Variants in CYFIP2 observed in about 807,000 individuals in gnomAD.
CYFIP2 encodes the protein cytoplasmic FMR1-interacting protein 2.
In CYFIP2, 29 loss-of-function variants were observed where a neutral mutation model predicts 158.7. The ratio of observed to expected loss-of-function variants is 0.18; its 90% CI spans 0.14 to 0.25. The LOEUF (loss-of-function observed/expected upper bound fraction) is 0.25, where lower values mean the gene tolerates loss of function less well. CYFIP2 is among the 10% of genes least tolerant of loss of function. The pLI is 1.00. For synonymous variants in CYFIP2, 585 were observed against 617.6 expected (o/e 0.95, Z 0.78); for missense variants, 852 against 1,639.5 (o/e 0.52, Z 8.29).
Position 157,293,385 on chromosome 5 carries a change from A to G in CYFIP2, c.208-1398A>G, listed in dbSNP as rs779897908. Among the ~76,000 whole-genome samples the G allele has an allele frequency of 7.2e-5, 11 of 152,234 alleles. 1 individual carries two copies. The Middle Eastern group carries it at 0.01, about 141-fold the overall frequency. On this transcript the variant is annotated intron_variant, in intron 3 of 30. Coordinates refer to ENST00000620254, the MANE Select transcript of CYFIP2 (RefSeq NM_001037333.3). ...GCCCAGGTATTCGGACCTTGAGTTT[A>G]GGTCTCTTTCCACAGCAGCAGTTCC... is the stretch of plus-strand genomic sequence containing the variant.
intron 23 of CYFIP2, among the ~76,000 whole-genome samples, chr5:157,354,937 GAGGGTTT>G (rs1763313787): frequency 1.3e-5 from 2 of 152,226 alleles, no homozygotes; most frequent in South Asian, 4.1e-4. Context: ...GGGTGGCGGT[GAGGGTTT>G]AGGACACCAC....
At chr5:157,294,464 CATT>C (rs1485066864) in intron 3 of CYFIP2, among the ~76,000 whole-genome samples, 1 of 152,184 alleles carries the variant, frequency 6.6e-6, no homozygotes, top group Admixed American at 6.5e-5. Flanking sequence ...TTCTTGCTAA[CATT>C]ATATCTGGGG....
At chr5:157,376,678 C>T in intron 26 of CYFIP2, 1 of 197,526 alleles carries the variant, frequency 5.1e-6, no homozygotes, top group Non-Finnish European at 1.1e-5. Flanking sequence ...CTGTTTTTCT[C>T]TTGGGTCTCA....
chr5:157,284,823 C>T (rs1174350035), intron 1 of CYFIP2, among the ~76,000 whole-genome samples: 2 of 152,182 alleles, frequency 1.3e-5, no homozygotes, highest in Non-Finnish European at 2.9e-5. Context: ...TTATTTTAAT[C>T]CCAGTTTAAT....
intron 21 of CYFIP2, among the ~76,000 whole-genome samples, chr5:157,334,772 G>C (rs1761731437): frequency 6.6e-6 from 1 of 152,044 alleles, no homozygotes; most frequent in South Asian, 2.1e-4. Context: ...AATTAGGAAA[G>C]AATAAGGGAA....
At chr5:157,337,192 C>T (rs1581090156) in intron 21 of CYFIP2, among the ~76,000 whole-genome samples, 2 of 152,140 alleles carry the variant, frequency 1.3e-5, no homozygotes, top group South Asian at 2.1e-4. Context: ...TTCCAGCTAG[C>T]CAGGCCCCCA....
Position 157,392,954 on chromosome 5 carries a change from G to A in CYFIP2, c.3716G>A (p.Arg1239His), listed in dbSNP as rs201882855. 10 of 1,613,758 alleles carry A rather than the reference G, an allele frequency of 6.2e-6. No individual in the cohort carries two copies. Among genetic ancestry groups the A allele is most frequent in the Admixed American group, 5.0e-5 (3 of 59,984 alleles). Reference protein sequence around the residue: ...ETDSSTVEHVRCFQPPIHQSL... With the variant: ...ETDSSTVEHVHCFQPPIHQSL... Reference sequence around the variant, plus strand: ...GACAGTTCCACTGTGGAGCATGTGCGCTGCTTCCAGCCACCCATCCACCAG... The same window carrying A: ...GACAGTTCCACTGTGGAGCATGTGCACTGCTTCCAGCCACCCATCCACCAG... The change falls in exon 31 of 31, where the codon CGC (arginine) becomes CAC (histidine). Residue 1239 changes from arginine (R) to histidine (H), a missense_variant. Physicochemically the swap from Arg to His is conservative, Grantham distance 29. Transcript: ENST00000620254.
chr5:157,338,554 A>G (rs1762019815), intron 21 of CYFIP2, among the ~76,000 whole-genome samples: 1 of 152,244 alleles, frequency 6.6e-6, no homozygotes, highest in South Asian at 2.1e-4. Context: ...AGGGTTTGAT[A>G]AGCATTAAAC....
At chr5:157,284,794 T>G (rs927317529) in intron 1 of CYFIP2, among the ~76,000 whole-genome samples, 2 of 152,126 alleles carry the variant, frequency 1.3e-5, no homozygotes, top group Non-Finnish European at 2.9e-5. Flanking sequence ...GCAAAGAAGG[T>G]TGATTTGCAG....
At chr5:157,302,767 C>T in intron 6 of CYFIP2, 27 bp from the exon 7 acceptor site, 3 of 1,549,516 alleles carry the variant, frequency 1.9e-6, no homozygotes, top group Non-Finnish European at 2.6e-6. Flanking sequence ...ACAGTCCTCT[C>T]TGCAGCACCC....
At chr5:157,322,486 C>T (rs1458600538) in intron 15 of CYFIP2, among the ~76,000 whole-genome samples, 1 of 152,240 alleles carries the variant, frequency 6.6e-6, no homozygotes, top group African/African-American at 2.4e-5. Flanking sequence ...AACTGGACAG[C>T]ACCCACAACA....
intron 15 of CYFIP2, among the ~76,000 whole-genome samples, chr5:157,321,628 G>A (rs138824384): frequency 6.6e-6 from 1 of 152,338 alleles, no homozygotes; most frequent in African/African-American, 2.4e-5. Context: ...GGGTCTCACA[G>A]GCCTCACTTC....
chr5:157,391,433 C>T (rs541896872), intron 30 of CYFIP2, among the ~76,000 whole-genome samples: 1 of 152,188 alleles, frequency 6.6e-6, no homozygotes, highest in African/African-American at 2.4e-5. Flanking sequence ...ACTCCGGGCC[C>T]ATTAAAAAAT....
At chr5:157,371,040 C>CG (rs1764949055) in intron 26 of CYFIP2, among the ~76,000 whole-genome samples, 1 of 152,118 alleles carries the variant, frequency 6.6e-6, no homozygotes, top group Non-Finnish European at 1.5e-5. Context: ...CAGCGTCTCT[C>CG]GGTTGGGCTT....
At chr5:157,267,195 G>A (rs1343328280) in intron 1 of CYFIP2, among the ~76,000 whole-genome samples, 1 of 152,242 alleles carries the variant, frequency 6.6e-6, no homozygotes, top group Non-Finnish European at 1.5e-5. Flanking sequence ...TGAGCCATCA[G>A]CTGTCCTTCC....
At chr5:157,293,444 G>A (rs969573060) in intron 3 of CYFIP2, among the ~76,000 whole-genome samples, 5 of 152,010 alleles carry the variant, frequency 3.3e-5, no homozygotes, top group African/African-American at 9.7e-5. Flanking sequence ...ATTTTTTCAC[G>A]CTCGTTTTTC....
intron 23 of CYFIP2, among the ~76,000 whole-genome samples, chr5:157,348,405 C>T (rs544374345): frequency 3.9e-5 from 6 of 152,106 alleles, no homozygotes; most frequent in African/African-American, 1.4e-4. Flanking sequence ...TGCACTACCA[C>T]CCCTGGCTAA....
chr5:157,362,856 T>C (rs1182669880), intron 26 of CYFIP2: 2 of 152,298 alleles, frequency 1.3e-5, no homozygotes, highest in African/African-American at 4.8e-5. Flanking sequence ...GGAATTTGCC[T>C]GGTGAAGCTG....
chr5:157,308,884 G>T (rs1759466303), intron 9 of CYFIP2, among the ~76,000 whole-genome samples: 1 of 152,160 alleles, frequency 6.6e-6, no homozygotes, highest in Admixed American at 6.5e-5. Context: ...TGTAAGTCTG[G>T]CTCTGCCACT....
Sources: allele counts gnomAD v4.1 joint callset (sites outside exome capture counted in the v4.1 genomes callset), GRCh38; gene constraint gnomAD v4.1.1; transcripts MANE v1.5; gene names NCBI Gene and HGNC (gene_info 2026-07-23, HGNC 2026-07-21).